The following STAT1 variants were observed in gnomAD, a reference collection of about 807,000 sequenced individuals.
The protein encoded by STAT1 is signal transducer and activator of transcription 1, also known as signal transducer and activator of transcription 1-alpha/beta.
A neutral mutation model predicts 111.7 loss-of-function variants in STAT1; 24 were observed. The ratio of observed to expected loss-of-function variants is 0.21; its 90% confidence interval spans 0.16 to 0.30. STAT1 has a LOEUF of 0.30. Ranked by LOEUF, STAT1 falls within the 10% of genes least tolerant of loss-of-function variation. The probability of loss-of-function intolerance (pLI) is 1.00; values close to 1 mark genes in which losing one functional copy is unlikely to be tolerated. For missense variants in STAT1, 351 were observed against 911.9 expected (o/e 0.38, Z 7.92); for synonymous variants, 332 against 326.5 (o/e 1.02, Z -0.18).
In STAT1 at chr2:191,006,534, C is replaced by T. The variant is rs1220174649; in HGVS notation, c.372+1029G>A. Reference sequence around the variant, plus strand: ...ATCCTCCACCACACCTAAACTCCCTCCCTCTCCACTGTCACACAGTTCACT... The same window carrying T: ...ATCCTCCACCACACCTAAACTCCCTTCCTCTCCACTGTCACACAGTTCACT... On this transcript the variant is annotated intron_variant, in intron 5 of 24. Transcript: ENST00000361099. The surrounding 1 kb of genome is among the most constrained non-coding windows in gnomAD (Gnocchi z 4.6). 1.3e-5 allele frequency among the ~76,000 whole-genome samples: 2 copies of T among 152,176 alleles called. No individual in the cohort carries two copies. The highest frequency in any genetic ancestry group is 2.4e-5 in the African/African-American group (1 of 41,444).
rs1235832098 is a variant in STAT1, at chr2:190,979,740, T to C, written c.1727+32A>G. 6.5e-7 allele frequency: 1 copy of C among 1,542,684 alleles called. No homozygotes were observed. Among genetic ancestry groups the C allele is most frequent in the Non-Finnish European group, 9.0e-7 (1 of 1,114,922 alleles). On this transcript the variant is annotated intron_variant, in intron 20 of 24. Coordinates refer to ENST00000361099, the MANE Select transcript of STAT1 (RefSeq NM_007315.4). The surrounding 1 kb of genome is among the most constrained non-coding windows in gnomAD (Gnocchi z 5.8). ...TCTCAACCTCGCAGCACTAAAAATATGTTTCAAAATACATCTATCGGTGGC... is the reference window on the plus strand; with the variant it reads ...TCTCAACCTCGCAGCACTAAAAATACGTTTCAAAATACATCTATCGGTGGC...
In STAT1 at chr2:191,010,123, T is replaced by C. The variant is rs917577637; in HGVS notation, c.-1-119A>G. On this transcript the variant is annotated intron_variant, in intron 2 of 24. Transcript: ENST00000361099. ...CTTGCTTAATCCAAAACATAGTTTGTCCCAGGAATATTTTATTTAAATGGC... is the reference window on the plus strand; with the variant it reads ...CTTGCTTAATCCAAAACATAGTTTGCCCCAGGAATATTTTATTTAAATGGC... The C allele has an allele frequency of 3.3e-5, 40 of 1,205,754 alleles. No homozygotes were observed. The African/African-American group carries it at 6.0e-4, about 18-fold the overall frequency. The allele number at this position is 1,205,754 out of a possible 1,614,324, so 74.7% of individuals were successfully genotyped here.
rs1692674671 is a variant in STAT1 at position 190,984,851 on chromosome 2, G to C, written c.1264-458C>G. Among the ~76,000 whole-genome samples the C allele has an allele frequency of 6.6e-6, 1 of 152,218 alleles. No individual in the cohort carries two copies. Among genetic ancestry groups the C allele is most frequent in the African/African-American group, 2.4e-5 (1 of 41,454 alleles). ...GTCTTGGTTTCGGTAGAAATGGATA[G>C]ATTTCAAAGTGCCTTCATAAGCATT... On this transcript the variant is annotated intron_variant, in intron 15 of 24. Transcript: ENST00000361099. This position sits in a 1 kb window ranked among gnomAD's most constrained non-coding sequence, Gnocchi z 5.2.
intron 2 of STAT1, among the ~76,000 whole-genome samples, chr2:191,010,903 A>C (rs1316363404): frequency 6.6e-6 from 1 of 152,250 alleles, no homozygotes; most frequent in East Asian, 1.9e-4. Flanking sequence ...AGCAAGTCCT[A>C]AAATTCATTA....
Position 190,975,580 on chromosome 2 carries a change from A to C in STAT1, c.2135+232T>G, listed in dbSNP as rs1440676684. 7.1e-7 allele frequency: 1 copy of C among 1,406,484 alleles called. No individual in the cohort carries two copies. The highest frequency in any genetic ancestry group is 1.5e-5 in the African/African-American group (1 of 68,274). 87.1% of individuals were successfully genotyped at this position (1,406,484 alleles called of 1,614,324 possible). On this transcript the variant is annotated intron_variant, in intron 23 of 24. Coordinates refer to ENST00000361099, the MANE Select transcript of STAT1 (RefSeq NM_007315.4). The surrounding 1 kb of genome is among the most constrained non-coding windows in gnomAD (Gnocchi z 5.9). Reference sequence around the variant, plus strand: ...TATTTATACTTTTTCAAAGGGTATCAGTTTTGGGAAAATTTATATACCTTA... The same window carrying C: ...TATTTATACTTTTTCAAAGGGTATCCGTTTTGGGAAAATTTATATACCTTA...
At position 190,995,346 on chromosome 2, in the gene STAT1, T is replaced by C. The variant is rs1199450370; in HGVS notation, c.786-127A>G. ...AAAGACATACTCGAGACTGGAGAAT[T>C]TATAAAGGAAAGAGGTTTAATTGAC... On this transcript the variant is annotated intron_variant, in intron 9 of 24. Transcript: ENST00000361099. The surrounding 1 kb of genome is among the most constrained non-coding windows in gnomAD (Gnocchi z 4.2). 2 of 1,002,316 alleles carry C rather than the reference T, an allele frequency of 2.0e-6. No homozygotes were observed. Among genetic ancestry groups the C allele is most frequent in the Non-Finnish European group, 3.1e-6 (2 of 646,548 alleles). The allele number at this position is 1,002,316 out of a possible 1,614,324, so 62.1% of individuals were successfully genotyped here. A position where few individuals can be genotyped will look rare whatever the true frequency, so the allele number is the denominator to read the frequency against.
rs1461525045 is a variant in STAT1, at chr2:190,979,794, G to C, written c.1705C>G (p.Leu569Val). ...ESILELIKKH[L>V]LPLWNDGCIM... ...TACCCATCATTCCAGAGAGGGAGCA[G>C]GTGTTTTTTAATGAGTTCTAGGATG... is the stretch of plus-strand genomic sequence containing the variant. The change falls in exon 20 of 25, where the codon CTG becomes GTG. Residue 569 changes from leucine to valine, a missense_variant. Around this residue, in one of 7 missense-constraint regions of STAT1, gnomAD observed 181 missense variants for 426.1 expected, o/e 0.42. Transcript: ENST00000361099. The surrounding 1 kb of genome is among the most constrained non-coding windows in gnomAD (Gnocchi z 5.8). 1.2e-6 allele frequency: 2 copies of C among 1,613,576 alleles called. No homozygotes were observed. The highest frequency in any genetic ancestry group is 1.7e-6 in the Non-Finnish European group (2 of 1,179,532).
At position 190,995,341 on chromosome 2, in the gene STAT1, A is replaced by C; in HGVS notation, c.786-122T>G. ...CTAATAAAGACATACTCGAGACTGG[A>C]GAATTTATAAAGGAAAGAGGTTTAA... On this transcript the variant is annotated intron_variant, in intron 9 of 24. Coordinates refer to ENST00000361099, the MANE Select transcript of STAT1 (RefSeq NM_007315.4). The surrounding 1 kb of genome is among the most constrained non-coding windows in gnomAD (Gnocchi z 4.2). 1 of 1,021,984 alleles carries C rather than the reference A, an allele frequency of 9.8e-7. No individual in the cohort carries two copies. The highest frequency in any genetic ancestry group is 1.3e-5 in the South Asian group (1 of 77,190). The allele number at this position is 1,021,984 out of a possible 1,614,324, so 63.3% of individuals were successfully genotyped here.
At chr2:191,001,314 A>C (rs1694253013) in intron 5 of STAT1, 151 bp from the exon 6 acceptor site, 1 of 689,134 alleles carries the variant, frequency 1.5e-6, no homozygotes, top group African/African-American at 1.8e-5. Context: ...AATTTTTCCC[A>C]AGGCCCTGGA....
Position 191,004,600 on chromosome 2 carries a change from A to G in STAT1, c.372+2963T>C, listed in dbSNP as rs536281868. ...AATACTGGGTTTAAATTCCAAACCT[A>G]CTTCTCATTAGCTCTGTGGCTCTGA... On this transcript the variant is annotated intron_variant, in intron 5 of 24. Transcript: ENST00000361099. This position sits in a 1 kb window ranked among gnomAD's most constrained non-coding sequence, Gnocchi z 5.0. 1.3e-5 allele frequency among the ~76,000 whole-genome samples: 2 copies of G among 152,326 alleles called. No homozygotes were observed. The highest frequency in any genetic ancestry group is 4.1e-4 in the South Asian group (2 of 4,830).
rs1206737661 is a variant in STAT1, at chr2:190,996,343, C to T, written c.786-1124G>A. Among the ~76,000 whole-genome samples the T allele has an allele frequency of 6.6e-6, 1 of 152,182 alleles. No individual in the cohort carries two copies. The highest frequency in any genetic ancestry group is 2.4e-5 in the African/African-American group (1 of 41,432). On this transcript the variant is annotated intron_variant, in intron 9 of 24. Coordinates refer to ENST00000361099, the MANE Select transcript of STAT1 (RefSeq NM_007315.4). This position sits in a 1 kb window ranked among gnomAD's most constrained non-coding sequence, Gnocchi z 4.5. ...ATCTACTTCACTTTCTGATTTTGCT[C>T]GATTCCAGTTCAAAGCCCTGGGACA...
rs1692960252 is a variant in STAT1, at chr2:190,987,668, C to A, written c.1098-600G>T. ...AGTCTGAGGTTAAAATTTTGAAAGA[C>A]CTTGCACTTCTATATCCAGTGATTA... On this transcript the variant is annotated intron_variant, in intron 12 of 24. Transcript: ENST00000361099. The surrounding 1 kb of genome is among the most constrained non-coding windows in gnomAD (Gnocchi z 4.0). Among the ~76,000 whole-genome samples, 1 of 152,154 alleles carries A rather than the reference C, an allele frequency of 6.6e-6. No individual in the cohort carries two copies. Among genetic ancestry groups the A allele is most frequent in the Admixed American group, 6.5e-5 (1 of 15,272 alleles).
intron 2 of STAT1, among the ~76,000 whole-genome samples, 185 bp from the exon 3 acceptor site, chr2:191,010,189 G>C (rs1475386179): frequency 1.3e-5 from 2 of 152,166 alleles, no homozygotes; most frequent in Non-Finnish European, 2.9e-5. Flanking sequence ...GTTTGGGGAT[G>C]AACTTTTTTT....
chr2:190,991,712 T>C (rs1224935233), intron 10 of STAT1, among the ~76,000 whole-genome samples: 3 of 151,822 alleles, frequency 2.0e-5, no homozygotes, highest in African/African-American at 7.3e-5. Context: ...TTTTTTTTTT[T>C]TTAATTAGCC....
rs751316866 is a variant in STAT1 at position 190,983,592 on chromosome 2, C to T, written c.1446+50G>A. On this transcript the variant is annotated intron_variant, in intron 17 of 24. Transcript: ENST00000361099. This position sits in a 1 kb window ranked among gnomAD's most constrained non-coding sequence, Gnocchi z 5.7. ...TATTTCAGAGATGCAGCAGTGAGAG[C>T]GTGGGGTCTCTGCTTAACCCTGGGA... is the stretch of plus-strand genomic sequence containing the variant. The T allele has an allele frequency of 9.9e-6, 15 of 1,515,384 alleles. No individual in the cohort carries two copies. Among genetic ancestry groups the T allele is most frequent in the African/African-American group, 4.1e-5 (3 of 72,948 alleles). The allele number at this position is 1,515,384 out of a possible 1,614,324, so 93.9% of individuals were successfully genotyped here.
intron 5 of STAT1, among the ~76,000 whole-genome samples, chr2:191,005,442 T>C (rs554027515): frequency 6.6e-6 from 1 of 152,332 alleles, no homozygotes; most frequent in East Asian, 1.9e-4. Context: ...TACCACCTTT[T>C]ATCTTTTACA....
Position 191,012,717 on chromosome 2 carries a change from A to T in STAT1, c.-2+808T>A, listed in dbSNP as rs1451053743. 2.6e-5 allele frequency among the ~76,000 whole-genome samples: 4 copies of T among 152,096 alleles called. No individual in the cohort carries two copies. Among genetic ancestry groups the T allele is most frequent in the Non-Finnish European group, 1.5e-5 (1 of 68,006 alleles). On this transcript the variant is annotated intron_variant, in intron 2 of 24. Transcript: ENST00000361099. The surrounding 1 kb of genome is among the most constrained non-coding windows in gnomAD (Gnocchi z 4.0). ...CAGATTTCCACCCCACCCCATCTTC[A>T]TCCATCAACAAAGCAACCCAGTCAC... is the stretch of plus-strand genomic sequence containing the variant.
rs75111204 is a variant in STAT1 at position 190,979,555 on chromosome 2, T to A, written c.1727+217A>T. Among the ~76,000 whole-genome samples the A allele has an allele frequency of 5.3e-5, 8 of 151,980 alleles. No homozygotes were observed. Among genetic ancestry groups the A allele is most frequent in the Non-Finnish European group, 8.8e-5 (6 of 67,952 alleles). On this transcript the variant is annotated intron_variant, in intron 20 of 24. Transcript: ENST00000361099. The surrounding 1 kb of genome is among the most constrained non-coding windows in gnomAD (Gnocchi z 5.8). ...GCACTCAAGAGTTGTTTTTTTTTTT[T>A]AATTTAGCTTTGCCAATACATATAC... is the stretch of plus-strand genomic sequence containing the variant.
rs189891367 is a variant in STAT1, at chr2:190,983,877, G to A, written c.1348-137C>T. On this transcript the variant is annotated intron_variant, in intron 16 of 24. Transcript: ENST00000361099. The surrounding 1 kb of genome is among the most constrained non-coding windows in gnomAD (Gnocchi z 5.7). ...AATACTTGAAAATGAGAAGTGTTAA[G>A]TTCTGTTCTTCTGTCCAGTTTAACT... 3.9e-6 allele frequency: 3 copies of A among 771,136 alleles called. No homozygotes were observed. The highest frequency in any genetic ancestry group is 2.7e-5 in the East Asian group (1 of 37,028). The allele number at this position is 771,136 out of a possible 1,614,324, so 47.8% of individuals were successfully genotyped here.
Sources: allele counts gnomAD v4.1 joint callset (sites outside exome capture counted in the v4.1 genomes callset), GRCh38; gene constraint gnomAD v4.1.1; regional missense constraint gnomAD v4.1.1; non-coding constraint Gnocchi (gnomAD v3.1); transcripts MANE v1.5; gene names NCBI Gene and HGNC (gene_info 2026-07-23, HGNC 2026-07-21).